The following NUP188 variants were observed in gnomAD, a reference collection of about 807,000 sequenced individuals.
The protein encoded by NUP188 is nucleoporin 188.
NUP188 carries 97 observed loss-of-function variants against 223.0 expected under a neutral mutation model. That is an observed-to-expected ratio of 0.43 (90% CI 0.37 to 0.51). NUP188 has a LOEUF of 0.51. NUP188 is among the 20% of genes least tolerant of loss of function. NUP188 has a pLI of 0.00. For missense variants in NUP188, 1,947 were observed against 2,175.6 expected (o/e 0.89, Z 2.09); for synonymous variants, 869 against 828.0 (o/e 1.05, Z -0.85).
chr9:128,949,172 G>A lies in NUP188; in HGVS notation c.33-17G>A. On this transcript the variant is annotated splice_polypyrimidine_tract_variant and intron_variant, in intron 1 of 43. Transcript: ENST00000372577. ...GATCAGAAAGAGCAAAATTACCTCTGTTCTCTCATTTTGCAGGAGCAGTAG... is the reference window on the plus strand; with the variant it reads ...GATCAGAAAGAGCAAAATTACCTCTATTCTCTCATTTTGCAGGAGCAGTAG... 1 of 1,604,822 alleles carries A rather than the reference G, an allele frequency of 6.2e-7. No individual in the cohort carries two copies. The highest frequency in any genetic ancestry group is 8.5e-7 in the Non-Finnish European group (1 of 1,172,580).
intron 12 of NUP188, 88 bp from the exon 13 acceptor site, chr9:128,979,174 G>T: frequency 3.2e-6 from 3 of 935,602 alleles, no homozygotes; most frequent in African/African-American, 1.6e-5. Context: ...TTGGTGTTTT[G>T]GTGTTTTTAT....
At chr9:128,961,778 C>T (rs1235610223) in intron 8 of NUP188, among the ~76,000 whole-genome samples, 2 of 151,130 alleles carry the variant, frequency 1.3e-5, no homozygotes, top group African/African-American at 2.4e-5. Context: ...TGTGCTACCA[C>T]GCCCGGCTAA....
chr9:129,003,038 A>C, intron 37 of NUP188, 63 bp downstream of exon 37: 1 of 1,569,336 alleles, frequency 6.4e-7, no homozygotes, highest in Non-Finnish European at 8.7e-7. Context: ...TGGGCCATTC[A>C]TGGGGCAGGT....
chr9:128,984,865 C>T, intron 19 of NUP188, 35 bp from the exon 20 acceptor site: 1 of 1,417,094 alleles, frequency 7.1e-7, no homozygotes, highest in Non-Finnish European at 9.9e-7. Context: ...TTGAAATTTC[C>T]CTATCATTTT....
chr9:128,979,166 G>T, intron 12 of NUP188, 96 bp from the exon 13 acceptor site: 2 of 829,530 alleles, frequency 2.4e-6, no homozygotes, highest in Non-Finnish European at 4.0e-6. Flanking sequence ...AGTGTTTATT[G>T]GTGTTTTGGT....
At chr9:128,991,162 CTTTTTTTT>C (rs78549616) in intron 25 of NUP188, among the ~76,000 whole-genome samples, 10 of 123,480 alleles carry the variant, frequency 8.1e-5, no homozygotes, top group African/African-American at 1.8e-4. Flanking sequence ...CTCCAGATTT[CTTTTTTTT>C]TTTTTTTTTT....
chr9:128,999,934 G>C, intron 34 of NUP188, 129 bp downstream of exon 34: 1 of 830,948 alleles, frequency 1.2e-6, no homozygotes, highest in Non-Finnish European at 1.9e-6. Flanking sequence ...TGGTGGGAAA[G>C]GTTAATAGAT....
At chr9:128,960,813 G>A (rs1469110514) in intron 8 of NUP188, among the ~76,000 whole-genome samples, 2 of 151,894 alleles carry the variant, frequency 1.3e-5, no homozygotes, top group Non-Finnish European at 2.9e-5. Context: ...GGTGGGGCAC[G>A]GTGGCTCAGG....
intron 12 of NUP188, among the ~76,000 whole-genome samples, chr9:128,977,514 A>G (rs1258361017): frequency 6.6e-6 from 1 of 152,140 alleles, no homozygotes; most frequent in Non-Finnish European, 1.5e-5. Context: ...AAAACAATTA[A>G]AGACATTGTT....
chr9:128,968,687 A>T lies in NUP188; in HGVS notation c.767A>T (p.Glu256Val). Residue 256 changes from glutamate (E) to valine (V), a missense_variant, in exon 9 of 44, where the codon GAG becomes GTG. Transcript: ENST00000372577. The stretch of plus-strand genomic sequence containing the variant: ...CAGACCAATAGGCACCTGGTGGATG[A>T]GACTATGGATCCTTTTGTAGATCGG... The part of the protein sequence containing the change: ...SRQTNRHLVD[E>V]TMDPFVDRIG... 1 of 1,614,124 alleles carries T rather than the reference A, an allele frequency of 6.2e-7. No individual in the cohort carries two copies. Among genetic ancestry groups the T allele is most frequent in the Non-Finnish European group, 8.5e-7 (1 of 1,179,944 alleles).
At chr9:128,999,548 C>A in intron 33 of NUP188, 76 bp from the exon 34 acceptor site, 1 of 1,480,212 alleles carries the variant, frequency 6.8e-7, no homozygotes, top group Non-Finnish European at 9.3e-7. Context: ...CAGCCCCTTC[C>A]TAGGAAGGAA....
chr9:128,956,493 T>G (rs1309749953), intron 4 of NUP188, 59 bp downstream of exon 4: 1 of 830,714 alleles, frequency 1.2e-6, no homozygotes, highest in African/African-American at 1.8e-5. Context: ...TGCGTGGTTA[T>G]ATTGCTAGTG....
chr9:129,000,805 G>A (rs1004679911), intron 34 of NUP188, among the ~76,000 whole-genome samples: 2 of 151,612 alleles, frequency 1.3e-5, no homozygotes, highest in African/African-American at 2.4e-5. Context: ...TTGGGAGGCC[G>A]AGGCGGGCAG....
intron 27 of NUP188, among the ~76,000 whole-genome samples, chr9:128,993,978 G>A (rs1332939229): frequency 6.6e-6 from 1 of 152,216 alleles, no homozygotes; most frequent in African/African-American, 2.4e-5. Context: ...AGATTCAGGA[G>A]AGAGGCGCTT....
intron 12 of NUP188, among the ~76,000 whole-genome samples, chr9:128,976,900 A>C (rs1187694086): frequency 3.3e-5 from 5 of 151,958 alleles, no homozygotes; most frequent in African/African-American, 1.2e-4. Flanking sequence ...AACATGATGA[A>C]GCCCTGTCTC....
In NUP188 at chr9:128,999,692, G is replaced by A. The variant is rs763900176; in HGVS notation, c.3730G>A (p.Ala1244Thr). ...TGAGACCCTCCAAGAGGAAGTGATT[G>A]CACTCTTCGACCAGACCCGCCACAG... ...VCETLQEEVIALFDQTRHSLA... is the reference protein window; with the variant it reads ...VCETLQEEVITLFDQTRHSLA... The change falls in exon 34 of 44, where the codon GCA becomes ACA. Residue 1244 changes from alanine (A) to threonine (T), a missense_variant. By Grantham distance (58) the Ala-to-Thr change is moderately conservative. This residue lies in a region of NUP188 where 905 missense variants were observed against 990.6 expected (regional missense o/e 0.91). Transcript: ENST00000372577. The A allele has an allele frequency of 1.9e-6, 3 of 1,614,054 alleles. No homozygotes were observed. The South Asian group carries it at 3.3e-5, about 18-fold the overall frequency.
intron 8 of NUP188, among the ~76,000 whole-genome samples, chr9:128,961,590 CTAGATAGATAGATAGA>C (rs547085125): frequency 1.4e-5 from 2 of 138,124 alleles, no homozygotes; most frequent in African/African-American, 3.0e-5. Flanking sequence ...ATCTATCTAT[CTAGATAGATAGATAGA>C]TAGATAGATA....
chr9:128,981,549 A>G (rs1176736990), intron 15 of NUP188, among the ~76,000 whole-genome samples, 159 bp downstream of exon 15: 2 of 151,880 alleles, frequency 1.3e-5, no homozygotes, highest in African/African-American at 4.8e-5. Flanking sequence ...AAGCACTGGG[A>G]TTATAGACGT....
chr9:128,951,791 ATTTTTTT>A (rs781580322), intron 2 of NUP188, among the ~76,000 whole-genome samples: 2 of 138,318 alleles, frequency 1.4e-5, no homozygotes, highest in Non-Finnish European at 1.6e-5. Context: ...CTGGAATCTG[ATTTTTTT>A]TTTTTTTTTT....
Sources: gnomAD v4.1 joint callset for allele counts (sites outside exome capture counted in the v4.1 genomes callset) on GRCh38, gnomAD v4.1.1 for gene constraint, gnomAD v4.1.1 regional missense constraint, MANE v1.5 for transcripts, NCBI Gene and HGNC (gene_info 2026-07-23, HGNC 2026-07-21) for gene names.